Variants in CORIN observed in about 807,000 individuals in gnomAD.
The protein encoded by CORIN is atrial natriuretic peptide-converting enzyme.
A neutral mutation model predicts 125.3 loss-of-function variants in CORIN; 117 were observed. The observed-to-expected ratio is 0.93, with a 90% confidence interval of 0.80 to 1.09. The LOEUF (loss-of-function observed/expected upper bound fraction) is 1.09, where lower values mean the gene tolerates loss of function less well. Ranked by LOEUF, CORIN falls within the 50% of genes least tolerant of loss-of-function variation. The pLI is 0.00. For missense variants in CORIN, 1,253 were observed against 1,306.7 expected (o/e 0.96, Z 0.63); for synonymous variants, 450 against 466.4 (o/e 0.96, Z 0.45).
At chr4:47,621,025 T>G (rs1722283934) in intron 19 of CORIN, among the ~76,000 whole-genome samples, 1 of 152,202 alleles carries the variant, frequency 6.6e-6, no homozygotes, top group Non-Finnish European at 1.5e-5. Flanking sequence ...TTGCCTCGAA[T>G]TTTTGCTATT....
chr4:47,715,608 A>G (rs934540199), intron 5 of CORIN, among the ~76,000 whole-genome samples: 16 of 152,034 alleles, frequency 1.1e-4, no homozygotes, highest in Non-Finnish European at 2.1e-4. Context: ...CCAAAAAAAA[A>G]GGGGGGGAGC....
At chr4:47,788,851 T>A (rs1268826783) in intron 2 of CORIN, among the ~76,000 whole-genome samples, 1 of 152,128 alleles carries the variant, frequency 6.6e-6, no homozygotes, top group Non-Finnish European at 1.5e-5. Flanking sequence ...TTGTTCACGG[T>A]TGTACCCTGG....
Position 47,665,253 on chromosome 4 carries a change from T to C in CORIN, c.1368A>G (p.Glu456=), listed in dbSNP as rs1407529658. The C allele has an allele frequency of 1.2e-6, 2 of 1,609,568 alleles. No homozygotes were observed. Among genetic ancestry groups the C allele is most frequent in the African/African-American group, 2.7e-5 (2 of 74,752 alleles). ...TCATGCAGAGTTCCAATGTAATTGG[T>C]TCACATTGACCTAACAAAGAAACAT... ...NNSLNNCSQC[E]PITLELCMNL... The change falls in exon 11 of 22, where the codon GAA becomes GAG. Residue 456 remains glutamate, a synonymous_variant. Transcript: ENST00000273857.
chr4:47,679,252 GA>G (rs1455665660), intron 8 of CORIN, among the ~76,000 whole-genome samples: 10 of 152,226 alleles, frequency 6.6e-5, no homozygotes, highest in African/African-American at 2.4e-4. Context: ...TTTCCAGGGG[GA>G]AAAAGTGTTA....
chr4:47,628,808 A>C (rs1384021603), intron 16 of CORIN, among the ~76,000 whole-genome samples: 3 of 152,114 alleles, frequency 2.0e-5, no homozygotes, highest in Non-Finnish European at 4.4e-5. Flanking sequence ...AAGAATACTG[A>C]GTAGTGTTCT....
intron 5 of CORIN, among the ~76,000 whole-genome samples, chr4:47,724,192 G>A (rs563520032): frequency 1.3e-3 from 199 of 152,102 alleles, no homozygotes; most frequent in Non-Finnish European, 1.8e-3. Flanking sequence ...GAAGTTATCA[G>A]TAAAGAAATA....
In CORIN at chr4:47,678,041, C is replaced by T; in HGVS notation, c.1146G>A (p.Gln382=). 1.2e-6 allele frequency: 2 copies of T among 1,613,010 alleles called. No individual in the cohort carries two copies. Among genetic ancestry groups the T allele is most frequent in the Non-Finnish European group, 1.7e-6 (2 of 1,178,988 alleles). The part of the protein sequence containing the change: ...SDEVNCSCHS[Q]GLVECRNGQC... ...GTCCATTTCTGCATTCCACCAGACCCTGGCTGTGACAGGCTAGGAAGGACC... is the reference window on the plus strand; with the variant it reads ...GTCCATTTCTGCATTCCACCAGACCTTGGCTGTGACAGGCTAGGAAGGACC... The change falls in exon 9 of 22, where the codon CAG becomes CAA. Residue 382 remains glutamine (Q), a synonymous_variant. Coordinates refer to ENST00000273857, the MANE Select transcript of CORIN (RefSeq NM_006587.4).
At chr4:47,608,262 A>G (rs577559287) in intron 19 of CORIN, among the ~76,000 whole-genome samples, 38 of 152,190 alleles carry the variant, frequency 2.5e-4, no homozygotes, top group Admixed American at 1.9e-3. Context: ...TGGAGGCTGC[A>G]GTGAGCTGAG....
At chr4:47,672,663 T>C (rs1724812668) in intron 10 of CORIN, among the ~76,000 whole-genome samples, 1 of 152,088 alleles carries the variant, frequency 6.6e-6, no homozygotes, top group Non-Finnish European at 1.5e-5. Context: ...TATACACATA[T>C]ATATGCATAT....
chr4:47,829,961 A>G (rs1424446869), intron 1 of CORIN, among the ~76,000 whole-genome samples: 2 of 152,142 alleles, frequency 1.3e-5, no homozygotes, highest in Non-Finnish European at 2.9e-5. Flanking sequence ...CCTAATACCA[A>G]CTTCTTATTG....
At chr4:47,672,542 C>T (rs1308875591) in intron 10 of CORIN, among the ~76,000 whole-genome samples, 1 of 151,866 alleles carries the variant, frequency 6.6e-6, no homozygotes, top group Non-Finnish European at 1.5e-5. Flanking sequence ...GTAAGGAAAT[C>T]GCTCTGAAAA....
intron 7 of CORIN, chr4:47,682,987 A>G (rs1725354815): frequency 6.6e-6 from 1 of 152,202 alleles, no homozygotes; most frequent in Admixed American, 6.5e-5. Flanking sequence ...TTTTGATGTT[A>G]TCTAATGCAG....
At chr4:47,834,974 G>A (rs187503597) in intron 1 of CORIN, among the ~76,000 whole-genome samples, 38 of 152,262 alleles carry the variant, frequency 2.5e-4, no homozygotes, top group Non-Finnish European at 5.0e-4. Context: ...CGGTTCTTAA[G>A]GGGCAGAGTC....
At chr4:47,726,911 T>C (rs1350815106) in intron 5 of CORIN, among the ~76,000 whole-genome samples, 1 of 151,978 alleles carries the variant, frequency 6.6e-6, no homozygotes. Flanking sequence ...TTAGAAAAAA[T>C]TAATTGAAAT....
At chr4:47,642,901 C>T (rs1178410212) in intron 15 of CORIN, 1 of 1,495,414 alleles carries the variant, frequency 6.7e-7, no homozygotes, top group East Asian at 2.5e-5. Context: ...TATATGATTA[C>T]AACATTTTGA....
intron 3 of CORIN, among the ~76,000 whole-genome samples, chr4:47,765,552 C>T (rs910228994): frequency 2.0e-5 from 3 of 152,104 alleles, no homozygotes; most frequent in East Asian, 1.9e-4. Flanking sequence ...GCTGGGTAAA[C>T]GGATAAATGC....
chr4:47,669,621 T>G (rs1257106545), intron 10 of CORIN, among the ~76,000 whole-genome samples: 1 of 150,268 alleles, frequency 6.7e-6, no homozygotes, highest in Non-Finnish European at 1.5e-5. Context: ...CAGGCTGGAG[T>G]GCAGTGGCAC....
chr4:47,731,390 G>A (rs947010927), intron 5 of CORIN, among the ~76,000 whole-genome samples: 3 of 152,132 alleles, frequency 2.0e-5, no homozygotes, highest in African/African-American at 7.2e-5. Flanking sequence ...TGTACCAGTG[G>A]TATTTAAAGC....
intron 12 of CORIN, among the ~76,000 whole-genome samples, chr4:47,657,314 A>G (rs1724032376): frequency 6.6e-6 from 1 of 152,062 alleles, no homozygotes. Flanking sequence ...TGGGTGGATC[A>G]TGAGGTCAGG....
Sources: allele counts gnomAD v4.1 joint callset (sites outside exome capture counted in the v4.1 genomes callset), GRCh38; gene constraint gnomAD v4.1.1; transcripts MANE v1.5; gene names NCBI Gene and HGNC (gene_info 2026-07-23, HGNC 2026-07-21).